The following RYR3 variants were observed in gnomAD, a reference collection of about 807,000 sequenced individuals.
The protein encoded by RYR3 is brain ryanodine receptor-calcium release channel.
In RYR3, 207 loss-of-function variants were observed where a neutral mutation model predicts 584.3. The observed-to-expected ratio is 0.35, with a 90% CI of 0.32 to 0.40. RYR3 has a LOEUF of 0.40. RYR3 is among the 10% of genes least tolerant of loss of function. RYR3 has a pLI of 1.00. For synonymous variants in RYR3, 2,416 were observed against 2,248.5 expected (o/e 1.07, Z -2.11); for missense variants, 5,616 against 6,089.2 (o/e 0.92, Z 2.59).
At chr15:33,569,350 CAT>C (rs1415535331) in intron 12 of RYR3, among the ~76,000 whole-genome samples, 9 of 152,280 alleles carry the variant, frequency 5.9e-5, no homozygotes, top group Admixed American at 3.9e-4. Flanking sequence ...TCCATCTCCA[CAT>C]GTTTTTATCA....
intron 2 of RYR3, among the ~76,000 whole-genome samples, chr15:33,487,688 G>A (rs1355423230): frequency 1.3e-5 from 2 of 152,168 alleles, no homozygotes; most frequent in South Asian, 2.1e-4. Context: ...ACATCAGGCC[G>A]TTGTTCCTGT....
chr15:33,619,576 G>A (rs140971066), intron 19 of RYR3, among the ~76,000 whole-genome samples: 173 of 152,246 alleles, frequency 1.1e-3, no homozygotes, highest in African/African-American at 3.5e-3. Context: ...AGAAGTTCTC[G>A]GGTAGGTCCT....
At chr15:33,476,872 T>C (rs1385470697) in intron 2 of RYR3, among the ~76,000 whole-genome samples, 2 of 152,300 alleles carry the variant, frequency 1.3e-5, no homozygotes, top group African/African-American at 4.8e-5. Flanking sequence ...ATTCAGAATT[T>C]CTTGTCACCA....
At chr15:33,439,068 A>C (rs929538471) in intron 1 of RYR3, among the ~76,000 whole-genome samples, 1 of 152,184 alleles carries the variant, frequency 6.6e-6, no homozygotes, top group African/African-American at 2.4e-5. Flanking sequence ...TAATCTTTTA[A>C]TGTAGTTGTC....
At chr15:33,773,457 A>G (rs1027615601) in intron 63 of RYR3, 77 bp from the exon 64 acceptor site, 2 of 909,256 alleles carry the variant, frequency 2.2e-6, no homozygotes, top group Non-Finnish European at 3.4e-6. Context: ...ATGCTCATGC[A>G]TTTTTTTTTT....
At position 33,790,136 on chromosome 15, in the gene RYR3, G is replaced by A. The variant is rs185269791; in HGVS notation, c.9830+1678G>A. Among the ~76,000 whole-genome samples the A allele has an allele frequency of 2.2e-3, 331 of 151,310 alleles. 1 individual carries two copies. Among genetic ancestry groups the A allele is most frequent in the African/African-American group, 7.9e-3 (326 of 41,132 alleles). ...CTTCTGAGTAGCTGGGACTACAGGC[G>A]CACACCACCACGCCCAGCTAATTTT... On this transcript the variant is annotated intron_variant, in intron 67 of 103. Transcript: ENST00000634891.
intron 1 of RYR3, among the ~76,000 whole-genome samples, chr15:33,404,425 C>T (rs764270093): frequency 6.6e-6 from 1 of 152,218 alleles, no homozygotes; most frequent in Non-Finnish European, 1.5e-5. Flanking sequence ...TGAGACCAAG[C>T]TTGTCTGCTC....
chr15:33,611,919 A>G (rs554823683), intron 18 of RYR3, among the ~76,000 whole-genome samples: 160 of 152,304 alleles, frequency 1.1e-3, no homozygotes, highest in African/African-American at 3.5e-3. Flanking sequence ...TTGGCCACCC[A>G]AAGTGCTGGG....
chr15:33,603,010 A>G (rs543931151), intron 17 of RYR3, 113 bp from the exon 18 acceptor site: 3 of 1,078,372 alleles, frequency 2.8e-6, no homozygotes, highest in Admixed American at 2.1e-5. Context: ...TGAAATACAC[A>G]GCATTGCTCT....
intron 1 of RYR3, among the ~76,000 whole-genome samples, chr15:33,417,114 C>G (rs1346538085): frequency 2.0e-5 from 3 of 152,080 alleles, no homozygotes; most frequent in African/African-American, 7.2e-5. Flanking sequence ...AGTTTGAAGT[C>G]AGATAATGTG....
chr15:33,432,651 C>T (rs181818953), intron 1 of RYR3, among the ~76,000 whole-genome samples: 60 of 117,402 alleles, frequency 5.1e-4, no homozygotes, highest in African/African-American at 2.3e-3. Flanking sequence ...CAGGTGCCCA[C>T]GACCACGCCT....
At chr15:33,569,748 AC>A (rs1466582694) in intron 12 of RYR3, among the ~76,000 whole-genome samples, 2 of 152,108 alleles carry the variant, frequency 1.3e-5, no homozygotes, top group Admixed American at 1.3e-4. Context: ...ATCTTTTCCT[AC>A]ATTTGTTACT....
chr15:33,571,019 AGAGC>A (rs2057999596), intron 12 of RYR3, among the ~76,000 whole-genome samples: 1 of 152,170 alleles, frequency 6.6e-6, no homozygotes, highest in African/African-American at 2.4e-5. Context: ...GTGAATAAAA[AGAGC>A]TTTATTTTTT....
intron 1 of RYR3, among the ~76,000 whole-genome samples, chr15:33,444,109 A>G (rs990283418): frequency 6.6e-6 from 1 of 152,186 alleles, no homozygotes; most frequent in Non-Finnish European, 1.5e-5. Context: ...ATTGAGACCC[A>G]TAGTAAAAAG....
chr15:33,849,582 T>C (rs1026335226), intron 94 of RYR3: 2 of 152,192 alleles, frequency 1.3e-5, no homozygotes, highest in African/African-American at 2.4e-5. Context: ...CTAATGACAG[T>C]TGATTCACAA....
At chr15:33,429,631 C>G (rs2044950033) in intron 1 of RYR3, among the ~76,000 whole-genome samples, 1 of 152,258 alleles carries the variant, frequency 6.6e-6, no homozygotes, top group Admixed American at 6.5e-5. Context: ...AATGCATCCA[C>G]ACCAACGGTC....
At chr15:33,385,710 C>CTTTTTTT (rs10682215) in intron 1 of RYR3, among the ~76,000 whole-genome samples, 2,004 of 131,356 alleles carry the variant, frequency 0.015, 91 homozygotes, top group African/African-American at 0.05. Flanking sequence ...TTTTTCTTTT[C>CTTTTTTT]TTTTTTTTTT....
At chr15:33,576,095 T>A (rs2058288465) in intron 12 of RYR3, among the ~76,000 whole-genome samples, 1 of 151,900 alleles carries the variant, frequency 6.6e-6, no homozygotes, top group Non-Finnish European at 1.5e-5. Flanking sequence ...CAATGATGAG[T>A]TCTGAAATTG....
intron 69 of RYR3, among the ~76,000 whole-genome samples, chr15:33,803,680 A>G (rs2076035940): frequency 6.6e-6 from 1 of 152,054 alleles, no homozygotes; most frequent in Non-Finnish European, 1.5e-5. Flanking sequence ...ACACCTGGCT[A>G]ATTTTTGTAT....
Sources: allele counts gnomAD v4.1 joint callset (sites outside exome capture counted in the v4.1 genomes callset), GRCh38; gene constraint gnomAD v4.1.1; transcripts MANE v1.5; gene names NCBI Gene and HGNC (gene_info 2026-07-23, HGNC 2026-07-21).